LIFR: variants seen among roughly 807,000 people sequenced by gnomAD.
LIFR encodes the protein leukemia inhibitory factor receptor.
Under a neutral mutation model 122.2 loss-of-function variants are expected in LIFR, and 84 were observed. The ratio of observed to expected loss-of-function variants is 0.69; its 90% CI spans 0.58 to 0.82. The LOEUF is 0.82. Among genes scored for constraint, LIFR ranks in the 40% least tolerant of loss-of-function variants. The pLI, the probability that LIFR is intolerant of heterozygous loss-of-function variation, is 0.00. For synonymous variants in LIFR, 422 were observed against 434.7 expected (o/e 0.97, Z 0.36); for missense variants, 1,294 against 1,311.6 (o/e 0.99, Z 0.21).
intron 1 of LIFR, among the ~76,000 whole-genome samples, chr5:38,539,656 T>C (rs929479209): frequency 7.9e-5 from 12 of 151,990 alleles, no homozygotes; most frequent in African/African-American, 2.9e-4. Flanking sequence ...CTGGCTCAAA[T>C]TGAAGTTTTT....
chr5:38,532,810 T>A lies in LIFR; in HGVS notation c.-19-2144A>T, dbSNP rs80310089. ...CGAAGTACTTTCAGAAAAAAAGTGA[T>A]GCTTGTGAAGCTTTTCTCTGCTCAC... On this transcript the variant is annotated intron_variant, in intron 1 of 19. Transcript: ENST00000453190. Among the ~76,000 whole-genome samples the A allele has an allele frequency of 7.1e-3, 1,087 of 152,344 alleles. 18 individuals are homozygous for A. The highest frequency in any genetic ancestry group is 0.034 in the Admixed American group (513 of 15,306).
At chr5:38,526,241 T>A (rs1348743106) in intron 4 of LIFR, among the ~76,000 whole-genome samples, 1 of 152,194 alleles carries the variant, frequency 6.6e-6, no homozygotes, top group African/African-American at 2.4e-5. Context: ...ACCCATAATC[T>A]ACGTGCTCCT....
At chr5:38,569,548 T>C (rs142318948) in intron 1 of LIFR, among the ~76,000 whole-genome samples, 1 of 152,308 alleles carries the variant, frequency 6.6e-6, no homozygotes, top group Non-Finnish European at 1.5e-5. Context: ...CTTATGAGAA[T>C]CTAATGCCCG....
chr5:38,606,645 G>A (rs148594256), intron 1 of LIFR, among the ~76,000 whole-genome samples: 82 of 152,222 alleles, frequency 5.4e-4, no homozygotes, highest in Middle Eastern at 3.4e-3. Flanking sequence ...CTAGAAGGTG[G>A]GCATTATTTC....
chr5:38,525,538 T>C (rs1746634596), intron 4 of LIFR, among the ~76,000 whole-genome samples: 1 of 152,208 alleles, frequency 6.6e-6, no homozygotes, highest in Admixed American at 6.5e-5. Context: ...AATACAGTGT[T>C]CAACACTGGA....
At chr5:38,600,197 G>T (rs115065753), upstream of LIFR, among the ~76,000 whole-genome samples, 177 of 152,214 alleles carry the variant, frequency 1.2e-3, 1 homozygote, top group African/African-American at 4.0e-3. Context: ...CACCTTTCCA[G>T]ACTGAACCAG....
intron 13 of LIFR, among the ~76,000 whole-genome samples, chr5:38,494,499 G>A (rs999228416): frequency 5.3e-5 from 8 of 152,170 alleles, no homozygotes; most frequent in East Asian, 1.9e-4. Context: ...GAAGACAGGC[G>A]CAGAGGCCCT....
At chr5:38,531,221 C>T (rs1237754605) in intron 1 of LIFR, among the ~76,000 whole-genome samples, 1 of 152,066 alleles carries the variant, frequency 6.6e-6, no homozygotes, top group East Asian at 1.9e-4. Flanking sequence ...TAGGGATCCC[C>T]CAGAGTAATG....
upstream of LIFR, among the ~76,000 whole-genome samples, chr5:38,599,419 G>T (rs2112779688): frequency 6.6e-6 from 1 of 152,296 alleles, no homozygotes; most frequent in African/African-American, 2.4e-5. Flanking sequence ...AGTCCTCAGG[G>T]TGCAGTTTGA....
At position 38,576,001 on chromosome 5, in the gene LIFR, G is replaced by A. The variant is rs761579646; in HGVS notation, c.-20+19260C>T. ...GTTTGAGAAAGAGATACAGAGGAAG[G>A]TGATGGGGGAAGGGCATCATAATGC... On this transcript the variant is annotated intron_variant, in intron 1 of 19. Transcript: ENST00000263409. 5.0e-4 allele frequency among the ~76,000 whole-genome samples: 76 copies of A among 152,200 alleles called. 1 individual carries two copies. The highest frequency in any genetic ancestry group is 2.1e-4 in the Non-Finnish European group (14 of 68,042).
chr5:38,489,342 C>T (rs1744451177), intron 15 of LIFR, 97 bp from the exon 16 acceptor site: 6 of 981,276 alleles, frequency 6.1e-6, no homozygotes, highest in East Asian at 5.2e-5. Flanking sequence ...AATAATTCAA[C>T]TTGGAATTAA....
At chr5:38,530,695 G>A (rs1412084317) in intron 1 of LIFR, 29 bp from the exon 2 acceptor site, 2 of 1,593,512 alleles carry the variant, frequency 1.3e-6, no homozygotes, top group Admixed American at 1.7e-5. Context: ...TCCAGATGGT[G>A]TTCAGATTGT....
chr5:38,537,183 T>C (rs538577755), intron 1 of LIFR, among the ~76,000 whole-genome samples: 1 of 152,272 alleles, frequency 6.6e-6, no homozygotes, highest in East Asian at 1.9e-4. Context: ...TCTCCACTGT[T>C]TCAACACACA....
chr5:38,605,188 C>G (rs942694051), intron 2 of LIFR, among the ~76,000 whole-genome samples: 1 of 152,056 alleles, frequency 6.6e-6, no homozygotes, highest in African/African-American at 2.4e-5. Flanking sequence ...ATGGCCTGAA[C>G]TTGTCTTTCA....
chr5:38,570,726 G>T (rs1246658960), intron 1 of LIFR, among the ~76,000 whole-genome samples: 2 of 152,292 alleles, frequency 1.3e-5, no homozygotes, highest in South Asian at 4.1e-4. Context: ...TAGCCAATTT[G>T]TGTCTGAAGA....
At position 38,556,544 on chromosome 5, in the gene LIFR, G is replaced by C. The variant is rs1409512510; in HGVS notation, c.-230C>G. ...TTGAGGCGGCCACGGGCGAAGGGCG[G>C]CCCGCTGCGCTCCGCGAACCCCGCG... On this transcript the variant is annotated 5_prime_UTR_variant, in exon 1 of 20. Coordinates refer to ENST00000453190, the MANE Select transcript of LIFR (RefSeq NM_001127671.2). 1 of 150,082 alleles carries C rather than the reference G, an allele frequency of 6.7e-6. No individual in the cohort carries two copies. The highest frequency in any genetic ancestry group is 1.5e-5 in the Non-Finnish European group (1 of 67,218). 9.3% of individuals were successfully genotyped at this position (150,082 alleles called of 1,614,324 possible).
intron 7 of LIFR, among the ~76,000 whole-genome samples, chr5:38,508,662 C>T (rs925862720): frequency 1.3e-5 from 2 of 151,942 alleles, no homozygotes; most frequent in African/African-American, 2.4e-5. Flanking sequence ...CTGCAAGCTC[C>T]GCCTCCTGGG....
In LIFR at chr5:38,481,815, G is replaced by A. The variant is rs1744004905; in HGVS notation, c.3074C>T (p.Thr1025Ile). 1 of 1,614,154 alleles carries A rather than the reference G, an allele frequency of 6.2e-7. No individual in the cohort carries two copies. Among genetic ancestry groups the A allele is most frequent in the East Asian group, 2.2e-5 (1 of 44,886 alleles). Residue 1025 changes from threonine to isoleucine, a missense_variant, in exon 20 of 20, where the codon ACT (threonine) becomes ATT (isoleucine). Thr to Ile is a moderately conservative substitution (Grantham distance 89). Transcript: ENST00000453190. ...DIAAEEDLDKTAGYRPQANVN... is the reference protein window; with the variant it reads ...DIAAEEDLDKIAGYRPQANVN... ...ATTGGCCTGAGGTCTGTAACCCGCA[G>A]TTTTATCTAAGTCCTCTTCTGCAGC...
At chr5:38,545,394 A>G (rs929092319) in intron 1 of LIFR, among the ~76,000 whole-genome samples, 3 of 152,138 alleles carry the variant, frequency 2.0e-5, no homozygotes, top group Non-Finnish European at 4.4e-5. Flanking sequence ...ACATATATAT[A>G]TGCACAGAAA....
Sources: gnomAD v4.1 joint callset for allele counts (sites outside exome capture counted in the v4.1 genomes callset) on GRCh38, gnomAD v4.1.1 for gene constraint, MANE v1.5 for transcripts, NCBI Gene and HGNC (gene_info 2026-07-23, HGNC 2026-07-21) for gene names.